The following GLYR1 variants were observed in gnomAD, a reference collection of about 807,000 sequenced individuals.
GLYR1 encodes the protein cytokine-like nuclear factor N-PAC.
A neutral mutation model predicts 72.7 loss-of-function variants in GLYR1; 21 were observed. That is an observed-to-expected ratio of 0.29 (90% CI 0.20 to 0.42). The LOEUF is 0.42. GLYR1 is among the 10% of genes least tolerant of loss of function. The probability of loss-of-function intolerance (pLI) is 1.00; values close to 1 mark genes in which losing one functional copy is unlikely to be tolerated. For missense variants in GLYR1, 594 were observed against 712.1 expected (o/e 0.83, Z 1.89); for synonymous variants, 392 against 270.2 (o/e 1.45, Z -4.42).
chr16:4,832,699 G>A (rs1251130426), intron 4 of GLYR1, 75 bp downstream of exon 4: 12 of 1,459,718 alleles, frequency 8.2e-6, no homozygotes, highest in Non-Finnish European at 1.1e-5. Context: ...GCGTTTGGGT[G>A]ACATTTAATC....
chr16:4,807,888 A>C (rs2083088306), intron 15 of GLYR1, among the ~76,000 whole-genome samples: 1 of 152,260 alleles, frequency 6.6e-6, no homozygotes, highest in Non-Finnish European at 1.5e-5. Context: ...AATCTGAAAG[A>C]GTCATGAAAT....
At chr16:4,834,731 GC>G (rs1223648466) in intron 3 of GLYR1, among the ~76,000 whole-genome samples, 1 of 152,134 alleles carries the variant, frequency 6.6e-6, no homozygotes, top group Non-Finnish European at 1.5e-5. Flanking sequence ...CTCCCAAAGT[GC>G]TGGGATTACA....
In GLYR1 at chr16:4,812,890, G is replaced by A. The variant is rs374149902; in HGVS notation, c.1120-642C>T. ...CAGCTCACTGCAAACTCTGCCTCCC[G>A]GGTTCATGCCATTCTCCTGCATCAG... On this transcript the variant is annotated intron_variant, in intron 12 of 15. Coordinates refer to ENST00000321919, the MANE Select transcript of GLYR1 (RefSeq NM_032569.4). 1.3e-3 allele frequency among the ~76,000 whole-genome samples: 195 copies of A among 151,734 alleles called. 1 individual carries two copies. Among genetic ancestry groups the A allele is most frequent in the African/African-American group, 4.6e-3 (189 of 41,334 alleles).
chr16:4,814,766 G>A (rs911781575), intron 10 of GLYR1, 119 bp from the exon 11 acceptor site: 4 of 766,990 alleles, frequency 5.2e-6, no homozygotes, highest in African/African-American at 1.7e-5. Context: ...GGCTGAGGCC[G>A]GGAGCCTGGG....
chr16:4,837,446 A>G (rs2085214647), intron 3 of GLYR1, among the ~76,000 whole-genome samples: 1 of 152,038 alleles, frequency 6.6e-6, no homozygotes, highest in Non-Finnish European at 1.5e-5. Context: ...AAAAAAAAAG[A>G]AAATCATACA....
intron 15 of GLYR1, among the ~76,000 whole-genome samples, chr16:4,805,914 G>C (rs2082941726): frequency 6.6e-6 from 1 of 152,198 alleles, no homozygotes; most frequent in South Asian, 2.1e-4. Context: ...CTGGGAGGCG[G>C]AGGTTGCAGT....
At chr16:4,821,800 G>A (rs2084043928) in intron 7 of GLYR1, 3 of 619,202 alleles carry the variant, frequency 4.8e-6, no homozygotes, top group South Asian at 1.9e-5. Flanking sequence ...AGGTCTTTTT[G>A]CTGACCATGG....
At chr16:4,811,100 G>T in intron 15 of GLYR1, 70 bp downstream of exon 15, 1 of 1,391,466 alleles carries the variant, frequency 7.2e-7, no homozygotes, top group East Asian at 2.4e-5. Flanking sequence ...GTGAGACTCC[G>T]TTAAAAAAAA....
At chr16:4,814,434 C>G (rs557068250) in intron 11 of GLYR1, 103 bp downstream of exon 11, 62 of 848,220 alleles carry the variant, frequency 7.3e-5, no homozygotes, top group East Asian at 6.6e-4. Context: ...TTCAGCCCCC[C>G]ACATGTGGAC....
At chr16:4,814,178 A>G (rs930855) in intron 11 of GLYR1, among the ~76,000 whole-genome samples, 84,301 of 151,996 alleles carry the variant, frequency 0.55, 24,519 homozygotes, top group African/African-American at 0.73. Flanking sequence ...GATGACTACC[A>G]CACTTGAACT....
chr16:4,842,211 T>C (rs2085609870), intron 3 of GLYR1, among the ~76,000 whole-genome samples: 1 of 148,198 alleles, frequency 6.7e-6, no homozygotes. Context: ...GCCACTGCAC[T>C]CCAGCCTGGG....
chr16:4,808,734 G>A (rs567114563), intron 15 of GLYR1, among the ~76,000 whole-genome samples: 1 of 148,536 alleles, frequency 6.7e-6, no homozygotes, highest in African/African-American at 2.5e-5. Flanking sequence ...TTTTTCAGTT[G>A]TTTTTTTTTT....
intron 3 of GLYR1, chr16:4,843,572 G>C (rs937162262): frequency 5.4e-6 from 7 of 1,289,144 alleles, no homozygotes; most frequent in Non-Finnish European, 7.1e-6. Flanking sequence ...TGCTAAGCTG[G>C]CTTGTGATAG....
chr16:4,837,708 G>C (rs2085240515), intron 3 of GLYR1, among the ~76,000 whole-genome samples: 2 of 151,958 alleles, frequency 1.3e-5, no homozygotes, highest in African/African-American at 2.4e-5. Context: ...CTAGCACTTT[G>C]GGAGGCCGAG....
intron 3 of GLYR1, among the ~76,000 whole-genome samples, chr16:4,835,072 G>A (rs1036583628): frequency 2.0e-5 from 3 of 152,052 alleles, no homozygotes; most frequent in Non-Finnish European, 4.4e-5. Context: ...AGGAGCTTCT[G>A]GTCAGAAGCT....
At chr16:4,843,497 C>T (rs1342235338) in intron 3 of GLYR1, 4 of 1,279,106 alleles carry the variant, frequency 3.1e-6, no homozygotes, top group East Asian at 5.6e-5. Context: ...AACATTCCCT[C>T]TTCCAGAAGC....
At chr16:4,843,864 G>C (rs910623902) in intron 3 of GLYR1, 5 of 196,552 alleles carry the variant, frequency 2.5e-5, no homozygotes, top group Non-Finnish European at 4.2e-5. Flanking sequence ...GGGAGGCTGA[G>C]GGGGTTGGGG....
chr16:4,811,070 A>C, intron 15 of GLYR1, 100 bp downstream of exon 15: 1 of 1,444,298 alleles, frequency 6.9e-7, no homozygotes, highest in Non-Finnish European at 9.3e-7. Flanking sequence ...GCACCAGTGC[A>C]CTCTAGCCTG....
intron 3 of GLYR1, among the ~76,000 whole-genome samples, chr16:4,838,650 G>A (rs1442236462): frequency 2.0e-5 from 3 of 151,332 alleles, no homozygotes; most frequent in Non-Finnish European, 4.4e-5. Context: ...GCAGTGGCGC[G>A]ATCTCGACTT....
Sources: gnomAD v4.1 joint callset for allele counts (sites outside exome capture counted in the v4.1 genomes callset) on GRCh38, gnomAD v4.1.1 for gene constraint, MANE v1.5 for transcripts, NCBI Gene and HGNC (gene_info 2026-07-23, HGNC 2026-07-21) for gene names.